ZSCAN25: variants seen among roughly 807,000 people sequenced by gnomAD.
The protein encoded by ZSCAN25 is zinc finger and SCAN domain-containing protein 25.
A neutral mutation model predicts 38.7 loss-of-function variants in ZSCAN25; 27 were observed. The ratio of observed to expected loss-of-function variants is 0.70; its 90% CI spans 0.51 to 0.96. The LOEUF (loss-of-function observed/expected upper bound fraction) is 0.96. Among genes scored for constraint, ZSCAN25 ranks in the 40% least tolerant of loss-of-function variants. The probability of loss-of-function intolerance (pLI) is 0.00; values close to 1 mark genes in which losing one functional copy is unlikely to be tolerated. For synonymous variants in ZSCAN25, 273 were observed against 277.7 expected (o/e 0.98, Z 0.17); for missense variants, 637 against 705.9 (o/e 0.90, Z 1.11).
chr7:99,723,573 A>C, the ZSCAN25 span, among the ~76,000 whole-genome samples: 620 of 152,242 alleles, frequency 4.1e-3, 5 homozygotes, highest in African/African-American at 0.014. Flanking sequence ...GACGCAAATG[A>C]CATTTGGTGC....
At chr7:99,709,308 A>T in the ZSCAN25 span, 1 of 1,591,206 alleles carries the variant, frequency 6.3e-7, no homozygotes, top group Non-Finnish European at 8.6e-7. Flanking sequence ...TTTTGAATTA[A>T]CTTTTAACTC....
chr7:99,707,602 A>G, the ZSCAN25 span, among the ~76,000 whole-genome samples: 6 of 152,362 alleles, frequency 3.9e-5, no homozygotes, highest in East Asian at 1.2e-3. Context: ...ATGCTAGTCT[A>G]CATTGACATT....
chr7:99,688,023 A>C, the ZSCAN25 span, among the ~76,000 whole-genome samples: 8 of 152,222 alleles, frequency 5.3e-5, no homozygotes, highest in Non-Finnish European at 1.0e-4. Flanking sequence ...TGAAGGAAGC[A>C]CTAAACATGG....
Position 99,632,052 on chromosome 7 carries a change from A to T in ZSCAN25, c.*2032A>T. On this transcript the variant is annotated 3_prime_UTR_variant, in exon 8 of 8. Coordinates refer to ENST00000394152, the MANE Select transcript of ZSCAN25 (RefSeq NM_145115.3). The stretch of plus-strand genomic sequence containing the variant: ...CGGGGGGCTGCTTGTCATTACCTGA[A>T]TCACAGATGCTCTTTTGTCATACAC... 1 of 985,422 alleles carries T rather than the reference A, an allele frequency of 1.0e-6. No individual in the cohort carries two copies. Among genetic ancestry groups the T allele is most frequent in the Non-Finnish European group, 1.2e-6 (1 of 829,972 alleles). The allele number at this position is 985,422 out of a possible 1,614,324, so 61.0% of individuals were successfully genotyped here. A position where few individuals can be genotyped will look rare whatever the true frequency, so the allele number is the denominator to read the frequency against.
the ZSCAN25 span, among the ~76,000 whole-genome samples, chr7:99,700,786 G>A: frequency 6.6e-6 from 1 of 152,186 alleles, no homozygotes; most frequent in African/African-American, 2.4e-5. Flanking sequence ...AGTTGACTTG[G>A]GTGAGATTGC....
chr7:99,699,702 G>C, the ZSCAN25 span, among the ~76,000 whole-genome samples: 1 of 152,148 alleles, frequency 6.6e-6, no homozygotes, highest in Non-Finnish European at 1.5e-5. Flanking sequence ...TCAAATCTAA[G>C]CTAATCAAAT....
chr7:99,627,701 T>C (rs962340935), intron 7 of ZSCAN25, among the ~76,000 whole-genome samples: 3 of 151,088 alleles, frequency 2.0e-5, no homozygotes, highest in African/African-American at 7.3e-5. Context: ...TATACGTATA[T>C]CTCGTATATG....
At chr7:99,697,471 A>T in the ZSCAN25 span, among the ~76,000 whole-genome samples, 2 of 152,228 alleles carry the variant, frequency 1.3e-5, no homozygotes, top group Non-Finnish European at 2.9e-5. Flanking sequence ...AGTATGGTGT[A>T]TATAAATGGA....
the ZSCAN25 span, among the ~76,000 whole-genome samples, chr7:99,710,544 A>T: frequency 6.6e-6 from 1 of 152,202 alleles, no homozygotes; most frequent in East Asian, 1.9e-4. Flanking sequence ...TTTTACAAAG[A>T]TCTTATACTT....
the ZSCAN25 span, chr7:99,713,626 A>C: frequency 6.4e-7 from 1 of 1,569,430 alleles, no homozygotes; most frequent in East Asian, 2.3e-5. Context: ...CCCTTCTGAG[A>C]ATATAGCCCC....
the ZSCAN25 span, among the ~76,000 whole-genome samples, chr7:99,690,600 GAAA>G: frequency 6.6e-6 from 1 of 151,740 alleles, no homozygotes; most frequent in East Asian, 1.9e-4. Flanking sequence ...AAATTTACAA[GAAA>G]AAAACAACCC....
chr7:99,638,404 T>G, the ZSCAN25 span: 1 of 1,591,338 alleles, frequency 6.3e-7, no homozygotes, highest in Non-Finnish European at 8.6e-7. Flanking sequence ...TCCTGCTTGT[T>G]GGTGAAGATG....
chr7:99,667,996 G>C, the ZSCAN25 span, among the ~76,000 whole-genome samples: 2 of 152,118 alleles, frequency 1.3e-5, no homozygotes, highest in Non-Finnish European at 2.9e-5. Context: ...TAATAGAATT[G>C]TCTCTATTTT....
chr7:99,709,788 G>A, the ZSCAN25 span, among the ~76,000 whole-genome samples: 33 of 150,330 alleles, frequency 2.2e-4, no homozygotes, highest in East Asian at 9.7e-4. Flanking sequence ...GTGTGTGTGT[G>A]TATATATATA....
intron 1 of ZSCAN25, chr7:99,618,315 C>G (rs1806645460): frequency 6.6e-6 from 1 of 151,788 alleles, no homozygotes; most frequent in African/African-American, 2.4e-5. Context: ...TTTTTTCAAT[C>G]TGTACCATGT....
the ZSCAN25 span, among the ~76,000 whole-genome samples, chr7:99,736,478 C>T: frequency 2.0e-5 from 3 of 152,272 alleles, no homozygotes. Flanking sequence ...CACCTGTGAG[C>T]CCTGTGACCC....
At chr7:99,638,603 TG>T in the ZSCAN25 span, 13 of 1,582,922 alleles carry the variant, frequency 8.2e-6, no homozygotes, top group Middle Eastern at 1.7e-4. Context: ...TTGACATTTT[TG>T]TAAGTCACTG....
the ZSCAN25 span, chr7:99,713,471 T>G: frequency 3.1e-6 from 5 of 1,613,310 alleles, no homozygotes; most frequent in Non-Finnish European, 4.2e-6. Flanking sequence ...TTTGTTACCT[T>G]TGTGGGTCTC....
At chr7:99,701,956 C>T in the ZSCAN25 span, among the ~76,000 whole-genome samples, 1 of 152,084 alleles carries the variant, frequency 6.6e-6, no homozygotes, top group Non-Finnish European at 1.5e-5. Flanking sequence ...GATGTGATTC[C>T]ATTTGTCCAT....
Sources: gnomAD v4.1 joint callset for allele counts (sites outside exome capture counted in the v4.1 genomes callset) on GRCh38, gnomAD v4.1.1 for gene constraint, MANE v1.5 for transcripts, NCBI Gene and HGNC (gene_info 2026-07-23, HGNC 2026-07-21) for gene names.